COBLL1: variants seen among roughly 807,000 people sequenced by gnomAD.
The protein encoded by COBLL1 is cordon-bleu WH2 repeat protein like 1, also known as cordon-bleu protein-like 1.
In COBLL1, 50 loss-of-function variants were observed where a neutral mutation model predicts 94.8. The ratio of observed to expected loss-of-function variants is 0.53; its 90% CI spans 0.42 to 0.67. The LOEUF (loss-of-function observed/expected upper bound fraction) is 0.67. Among genes scored for constraint, COBLL1 ranks in the 30% least tolerant of loss-of-function variants. The pLI is 0.00. For missense variants in COBLL1, 1,362 were observed against 1,348.7 expected, an observed-to-expected ratio of 1.01 and a Z score of -0.15; for synonymous variants, 448 against 473.8, an observed-to-expected ratio of 0.95 and a Z score of 0.71.
chr2:164,677,265 G>A (rs1023171127), downstream of COBLL1, among the ~76,000 whole-genome samples: 28 of 149,672 alleles, frequency 1.9e-4, no homozygotes, highest in African/African-American at 6.6e-4. Flanking sequence ...TCTTTTTTTT[G>A]CTATTACCAA....
chr2:164,823,919 G>A (rs946043942), intron 2 of COBLL1, among the ~76,000 whole-genome samples: 1 of 152,022 alleles, frequency 6.6e-6, no homozygotes, highest in African/African-American at 2.4e-5. Flanking sequence ...TGTTCAACAG[G>A]TGAAAGGTTG....
At chr2:164,713,322 A>G (rs929196656) in intron 7 of COBLL1, among the ~76,000 whole-genome samples, 4 of 152,152 alleles carry the variant, frequency 2.6e-5, no homozygotes, top group Non-Finnish European at 5.9e-5. Context: ...GACAACTATA[A>G]TAACGAGAGA....
chr2:164,829,211 A>G (rs3769920), intron 2 of COBLL1, among the ~76,000 whole-genome samples: 30,337 of 152,092 alleles, frequency 0.2, 3,112 homozygotes, highest in Middle Eastern at 0.28. Context: ...AGTCTTTGGC[A>G]GAAAACACTT....
At chr2:164,727,740 G>T (rs1685785225) in intron 5 of COBLL1, among the ~76,000 whole-genome samples, 2 of 149,378 alleles carry the variant, frequency 1.3e-5, no homozygotes, top group African/African-American at 2.5e-5. Context: ...TGGCTAAAAA[G>T]ACAAGTTTTA....
rs531297005 is a variant in COBLL1 at position 164,741,268 on chromosome 2, T to G, written c.230+2419A>C. ...TCCAGCCTGCGCAACAGAGCAAGAC[T>G]GTCTCAAAAAACAAACAAAAAAAAG... On this transcript the variant is annotated intron_variant, in intron 3 of 13. Transcript: ENST00000652658. 8.6e-5 allele frequency among the ~76,000 whole-genome samples: 13 copies of G among 151,968 alleles called. No individual in the cohort carries two copies. The East Asian group carries it at 2.3e-3, about 27-fold the overall frequency.
At chr2:164,815,937 T>C (rs556061268) in intron 2 of COBLL1, among the ~76,000 whole-genome samples, 35 of 152,174 alleles carry the variant, frequency 2.3e-4, no homozygotes, top group Non-Finnish European at 4.1e-4. Context: ...ATCCTAATTA[T>C]GGAAAAAACT....
At chr2:164,837,683 A>C (rs1034605389) in intron 2 of COBLL1, among the ~76,000 whole-genome samples, 2 of 142,766 alleles carry the variant, frequency 1.4e-5, no homozygotes, top group African/African-American at 5.9e-5. Flanking sequence ...AGTATACATA[A>C]AATATGTAAT....
Position 164,695,177 on chromosome 2 carries a change from G to A in COBLL1, c.2215C>T (p.Pro739Ser). 1 of 1,613,886 alleles carries A rather than the reference G, an allele frequency of 6.2e-7. No individual in the cohort carries two copies. The highest frequency in any genetic ancestry group is 8.5e-7 in the Non-Finnish European group (1 of 1,179,920). Residue 739 changes from proline (P) to serine (S), a missense_variant, in exon 12 of 14, where the codon CCC becomes TCC. Transcript: ENST00000652658. The stretch of plus-strand genomic sequence containing the variant: ...TCTTTCGATATTTCCAAGGATTTGG[G>A]AGGCACTATTTTATAAGTAGTCATG... ...IGMTTYKIVP[P>S]KSLEISKDWQ...
At chr2:164,824,361 A>G (rs1216927941) in intron 2 of COBLL1, among the ~76,000 whole-genome samples, 1 of 151,952 alleles carries the variant, frequency 6.6e-6, no homozygotes, top group African/African-American at 2.4e-5. Flanking sequence ...AGCCTGGGCA[A>G]CAGAGTGAGA....
At chr2:164,819,490 TCATACTGGAAACCA>T (rs1685051469) in intron 2 of COBLL1, among the ~76,000 whole-genome samples, 1 of 152,126 alleles carries the variant, frequency 6.6e-6, no homozygotes, top group African/African-American at 2.4e-5. Flanking sequence ...TTTACTCTGA[TCATACTGGAAACCA>T]CCAAAATTTG....
chr2:164,773,625 G>A (rs1339923771), intron 2 of COBLL1: 2 of 490,774 alleles, frequency 4.1e-6, no homozygotes, highest in Non-Finnish European at 3.3e-6. Context: ...CATAGTTTGA[G>A]AGAAAATATT....
At chr2:164,658,713 C>T (rs914553789) in intron 2 of COBLL1, among the ~76,000 whole-genome samples, 17 of 152,270 alleles carry the variant, frequency 1.1e-4, no homozygotes, top group African/African-American at 4.1e-4. Context: ...AAGTAATTTC[C>T]ATTGGTTAGC....
chr2:164,688,974 G>T (rs528907343), intron 13 of COBLL1, among the ~76,000 whole-genome samples: 1 of 152,156 alleles, frequency 6.6e-6, no homozygotes, highest in South Asian at 2.1e-4. Flanking sequence ...TGTCAACACA[G>T]GCCAAGGGTA....
intron 1 of COBLL1, among the ~76,000 whole-genome samples, chr2:164,672,612 T>G (rs1691260317): frequency 7.0e-6 from 1 of 143,812 alleles, no homozygotes; most frequent in Non-Finnish European, 1.5e-5. Flanking sequence ...GGCAGGAGAA[T>G]GGCGTGAACC....
At chr2:164,735,158 G>T (rs1349300217) in intron 3 of COBLL1, among the ~76,000 whole-genome samples, 4 of 152,128 alleles carry the variant, frequency 2.6e-5, no homozygotes, top group Non-Finnish European at 5.9e-5. Context: ...TTAGGCACCT[G>T]GCTAGGTCGC....
chr2:164,668,711 C>G (rs1691203406), intron 1 of COBLL1, among the ~76,000 whole-genome samples: 1 of 152,122 alleles, frequency 6.6e-6, no homozygotes, highest in African/African-American at 2.4e-5. Flanking sequence ...TTTAACTTTT[C>G]CTTTTTCTCT....
chr2:164,694,332 C>T lies in COBLL1; in HGVS notation c.3060G>A (p.Glu1020=). Residue 1020 remains glutamate (E), a synonymous_variant, in exon 12 of 14, where the codon GAG becomes GAA. Transcript: ENST00000652658. ...SALVQPPANT[E]EGKTHSVNKF... ...TATTTACAGAATGAGTCTTCCCTTCCTCTGTGTTGGCTGGAGGTTGGACCA... is the reference window on the plus strand; with the variant it reads ...TATTTACAGAATGAGTCTTCCCTTCTTCTGTGTTGGCTGGAGGTTGGACCA... 10 of 1,613,916 alleles carry T rather than the reference C, an allele frequency of 6.2e-6. No homozygotes were observed. The highest frequency in any genetic ancestry group is 1.7e-5 in the Admixed American group (1 of 59,994).
At chr2:164,700,468 A>G in intron 10 of COBLL1, 54 bp downstream of exon 10, 1 of 1,049,284 alleles carries the variant, frequency 9.5e-7, no homozygotes, top group Non-Finnish European at 1.4e-6. Context: ...ATTTCAGAAG[A>G]CTAGTATTAA....
intron 2 of COBLL1, among the ~76,000 whole-genome samples, chr2:164,749,984 C>T (rs142485821): frequency 6.6e-6 from 1 of 152,332 alleles, no homozygotes; most frequent in East Asian, 1.9e-4. Flanking sequence ...TGCCACTCCT[C>T]AGTCTCCCCA....
Sources: allele counts gnomAD v4.1 joint callset (sites outside exome capture counted in the v4.1 genomes callset), GRCh38; gene constraint gnomAD v4.1.1; transcripts MANE v1.5; gene names NCBI Gene and HGNC (gene_info 2026-07-23, HGNC 2026-07-21).